The following NHEJ1 variants were observed in gnomAD, a reference collection of about 807,000 sequenced individuals.
NHEJ1 encodes non-homologous end joining factor 1.
NHEJ1 carries 22 observed loss-of-function variants against 39.4 expected under a neutral mutation model. That is an observed-to-expected ratio of 0.56 (90% CI 0.40 to 0.80). The LOEUF is 0.80. NHEJ1 is among the 30% of genes least tolerant of loss of function. NHEJ1 has a pLI of 0.00. For synonymous variants in NHEJ1, 154 were observed against 135.6 expected (o/e 1.14, Z -0.94); for missense variants, 329 against 357.1 (o/e 0.92, Z 0.63).
Position 219,154,956 on chromosome 2 carries a change from T to G in NHEJ1, c.390+2516A>C, listed in dbSNP as rs956095542. 3.4e-5 allele frequency among the ~76,000 whole-genome samples: 5 copies of G among 146,980 alleles called. No individual in the cohort carries two copies. The East Asian group carries it at 9.7e-4, about 29-fold the overall frequency. ...ATAACATATAATATATGTTAATATA[T>G]TATATATTATTATATTACATATATT... On this transcript the variant is annotated intron_variant, in intron 3 of 7. Transcript: ENST00000356853.
At chr2:219,106,886 T>A (rs142070054) in intron 5 of NHEJ1, among the ~76,000 whole-genome samples, 1 of 152,336 alleles carries the variant, frequency 6.6e-6, no homozygotes, top group Non-Finnish European at 1.5e-5. Context: ...TTTGCTGTTT[T>A]CCATTTTACT....
At chr2:219,076,558 T>A (rs1277266914) in intron 7 of NHEJ1, 103 bp from the exon 8 acceptor site, 1 of 135,000 alleles carries the variant, frequency 7.4e-6, no homozygotes, top group Non-Finnish European at 1.4e-5. Flanking sequence ...GGATGAGGCC[T>A]TTTTTTTTTT....
At chr2:219,158,076 C>T (rs1949874754) in intron 2 of NHEJ1, 110 bp downstream of exon 2, 6 of 1,029,956 alleles carry the variant, frequency 5.8e-6, no homozygotes, top group Non-Finnish European at 7.5e-6. Context: ...AAGTACAGGA[C>T]ATTAACTGGA....
chr2:219,109,813 T>C (rs1378378091), intron 5 of NHEJ1, among the ~76,000 whole-genome samples: 1 of 152,200 alleles, frequency 6.6e-6, no homozygotes, highest in Non-Finnish European at 1.5e-5. Context: ...CTGCCTAAGA[T>C]AGTGGTTCTC....
At chr2:219,157,833 G>A (rs1020745725) in intron 2 of NHEJ1, 149 bp from the exon 3 acceptor site, 34 of 740,442 alleles carry the variant, frequency 4.6e-5, no homozygotes, top group Admixed American at 2.3e-4. Context: ...GGGGAAAGAA[G>A]AAAACAAAAA....
chr2:219,155,614 G>A (rs980241913), intron 3 of NHEJ1, among the ~76,000 whole-genome samples: 8 of 151,992 alleles, frequency 5.3e-5, no homozygotes, highest in Non-Finnish European at 1.2e-4. Context: ...TAGTTTTACT[G>A]GGCTCCAGAT....
In NHEJ1 at chr2:219,157,666, T is replaced by A. The variant is rs1949868468; in HGVS notation, c.196A>T (p.Thr66Ser). 6.2e-7 allele frequency: 1 copy of A among 1,613,774 alleles called. No homozygotes were observed. The highest frequency in any genetic ancestry group is 8.5e-7 in the Non-Finnish European group (1 of 1,179,862). Residue 66 changes from threonine to serine, a missense_variant, in exon 3 of 8, where the codon ACT (threonine) becomes TCT (serine). Physicochemically the swap from Thr to Ser is moderately conservative, Grantham distance 58. Coordinates refer to ENST00000356853, the MANE Select transcript of NHEJ1 (RefSeq NM_024782.3). ...CAGAGGAAAGCTGCAGGAGGAGCAG[T>A]GAGCCGCTTGTTCAGCTCCTAAAGA... ...QRAKELNKRLTAPPAAFLCHL... is the reference protein window; with the variant it reads ...QRAKELNKRLSAPPAAFLCHL...
At chr2:219,096,346 G>C (rs914019600) in intron 5 of NHEJ1, among the ~76,000 whole-genome samples, 1 of 152,166 alleles carries the variant, frequency 6.6e-6, no homozygotes, top group African/African-American at 2.4e-5. Context: ...AGTCATTTTT[G>C]CTCCGCAATC....
At chr2:219,122,667 T>A (rs964648656) in intron 5 of NHEJ1, among the ~76,000 whole-genome samples, 1 of 152,184 alleles carries the variant, frequency 6.6e-6, no homozygotes, top group African/African-American at 2.4e-5. Flanking sequence ...TCCTCCTCAA[T>A]AGACTCCAGG....
intron 3 of NHEJ1, among the ~76,000 whole-genome samples, chr2:219,149,260 C>T: frequency 6.6e-6 from 1 of 152,152 alleles, no homozygotes; most frequent in East Asian, 1.9e-4. Flanking sequence ...GTGATACTCT[C>T]ATATGATAAT....
intron 5 of NHEJ1, among the ~76,000 whole-genome samples, chr2:219,140,478 C>T (rs960796343): frequency 6.6e-6 from 1 of 152,088 alleles, no homozygotes; most frequent in African/African-American, 2.4e-5. Flanking sequence ...GATGGTGGCT[C>T]CAGTATGGTA....
chr2:219,133,445 C>T (rs1949597423), intron 5 of NHEJ1, among the ~76,000 whole-genome samples: 1 of 152,198 alleles, frequency 6.6e-6, no homozygotes, highest in South Asian at 2.1e-4. Context: ...CTCCTGTCTA[C>T]AAGGCCCTGA....
intron 5 of NHEJ1, among the ~76,000 whole-genome samples, chr2:219,137,593 C>CAAAAAAAAAAAAAAA (rs1290030506): frequency 1.2e-5 from 1 of 82,180 alleles, no homozygotes; most frequent in Non-Finnish European, 2.3e-5. Flanking sequence ...AAAAAAAAAA[C>CAAAAAAAAAAAAAAA]AAAAAAAACT....
chr2:219,147,530 C>T, intron 4 of NHEJ1, 127 bp downstream of exon 4: 1 of 1,110,528 alleles, frequency 9.0e-7, no homozygotes, highest in South Asian at 1.3e-5. Flanking sequence ...ACTCCAGTTT[C>T]TGGTTAGTAT....
At chr2:219,108,786 T>C (rs1949336660) in intron 5 of NHEJ1, among the ~76,000 whole-genome samples, 1 of 152,204 alleles carries the variant, frequency 6.6e-6, no homozygotes, top group African/African-American at 2.4e-5. Context: ...TTTTGGCATA[T>C]GAGGCTTTGT....
At chr2:219,133,765 T>C (rs905738617) in intron 5 of NHEJ1, among the ~76,000 whole-genome samples, 1 of 152,218 alleles carries the variant, frequency 6.6e-6, no homozygotes, top group Admixed American at 6.5e-5. Flanking sequence ...CTGCATCTCC[T>C]GGGGGAAAGA....
Position 219,158,312 on chromosome 2 carries a change from C to A in NHEJ1, c.51G>T (p.Gln17His). The part of the protein sequence containing the change: ...GLLMQPWAWL[Q>H]LAENSLLAKV... ...TGGCCAAGAGGGAGTTCTCTGCAAGCTGTAGCCACGCCCATGGCTGCATCA... is the reference window on the plus strand; with the variant it reads ...TGGCCAAGAGGGAGTTCTCTGCAAGATGTAGCCACGCCCATGGCTGCATCA... The change falls in exon 2 of 8, where the codon CAG (glutamine) becomes CAT (histidine). Residue 17 changes from glutamine to histidine, a missense_variant. Transcript: ENST00000356853. The A allele has an allele frequency of 6.2e-7, 1 of 1,614,234 alleles. No homozygotes were observed. Among genetic ancestry groups the A allele is most frequent in the Non-Finnish European group, 8.5e-7 (1 of 1,180,042 alleles).
chr2:219,115,758 T>C (rs1375258836), intron 5 of NHEJ1, among the ~76,000 whole-genome samples: 5 of 152,176 alleles, frequency 3.3e-5, no homozygotes, highest in African/African-American at 1.2e-4. Flanking sequence ...CTCCGCATTT[T>C]ACCCAGCTCC....
At chr2:219,119,000 A>C (rs1418897301) in intron 5 of NHEJ1, among the ~76,000 whole-genome samples, 1 of 152,150 alleles carries the variant, frequency 6.6e-6, no homozygotes, top group Non-Finnish European at 1.5e-5. Context: ...CACAGTCTTG[A>C]CAGTGCTCTG....
Sources: allele counts gnomAD v4.1 joint callset (sites outside exome capture counted in the v4.1 genomes callset), GRCh38; gene constraint gnomAD v4.1.1; transcripts MANE v1.5; gene names NCBI Gene and HGNC (gene_info 2026-07-23, HGNC 2026-07-21).